Variants in CAST observed in about 807,000 individuals in gnomAD.
CAST encodes the protein calpastatin.
A neutral mutation model predicts 119.6 loss-of-function variants in CAST; 76 were observed. The observed-to-expected ratio is 0.64, with a 90% CI of 0.53 to 0.77. CAST has a LOEUF of 0.77. CAST is among the 30% of genes least tolerant of loss of function. CAST has a pLI of 0.00. For missense variants in CAST, 953 were observed against 946.5 expected (o/e 1.01, Z -0.09); for synonymous variants, 319 against 331.6 (o/e 0.96, Z 0.41).
At chr5:96,334,471 A>G in the CAST span, among the ~76,000 whole-genome samples, 4 of 152,268 alleles carry the variant, frequency 2.6e-5, no homozygotes, top group African/African-American at 9.6e-5. Flanking sequence ...TATAAGCCAC[A>G]CCATCGGAGG....
chr5:96,239,974 C>T, the CAST span, among the ~76,000 whole-genome samples: 2 of 152,068 alleles, frequency 1.3e-5, no homozygotes, highest in South Asian at 4.1e-4. Flanking sequence ...AATTTAACCT[C>T]ATTTGACCTT....
chr5:96,038,043 G>A, the CAST span, among the ~76,000 whole-genome samples: 1 of 152,134 alleles, frequency 6.6e-6, no homozygotes, highest in Non-Finnish European at 1.5e-5. Flanking sequence ...GAATTCAAGA[G>A]ACCTTGGCAG....
chr5:96,558,848 C>T (rs1272032982), intron 1 of CAST, among the ~76,000 whole-genome samples: 1 of 152,186 alleles, frequency 6.6e-6, no homozygotes, highest in African/African-American at 2.4e-5. Context: ...TCCTCCCTAA[C>T]TCATTTTATG....
chr5:96,270,688 A>G, the CAST span, among the ~76,000 whole-genome samples: 1 of 151,852 alleles, frequency 6.6e-6, no homozygotes. Flanking sequence ...GGGGAGCAAC[A>G]CACACTGGGG....
chr5:96,361,251 T>C, the CAST span, among the ~76,000 whole-genome samples: 1 of 152,142 alleles, frequency 6.6e-6, no homozygotes, highest in Admixed American at 6.5e-5. Context: ...AGCCAGTGGA[T>C]CTTAGCTTGC....
At chr5:96,110,032 G>T in the CAST span, among the ~76,000 whole-genome samples, 2 of 152,110 alleles carry the variant, frequency 1.3e-5, no homozygotes, top group African/African-American at 2.4e-5. Flanking sequence ...TGAAAATCCA[G>T]TCTGTGTCTA....
intron 1 of CAST, among the ~76,000 whole-genome samples, chr5:96,595,216 T>C (rs1221669431): frequency 1.3e-5 from 2 of 152,196 alleles, no homozygotes; most frequent in African/African-American, 2.4e-5. Context: ...TTGCCTCAGA[T>C]ACTAAACCGG....
chr5:96,394,571 G>C, the CAST span, among the ~76,000 whole-genome samples: 945 of 152,160 alleles, frequency 6.2e-3, 14 homozygotes, highest in African/African-American at 0.022. Flanking sequence ...TATGTGATTG[G>C]GCATAAAGAT....
intron 1 of CAST, among the ~76,000 whole-genome samples, chr5:96,643,204 G>C (rs1321976871): frequency 6.6e-6 from 1 of 152,164 alleles, no homozygotes; most frequent in Non-Finnish European, 1.5e-5. Context: ...ATTTCAAAAT[G>C]ATATAATATC....
At chr5:96,412,438 A>G in the CAST span, 1 of 1,613,930 alleles carries the variant, frequency 6.2e-7, no homozygotes, top group Non-Finnish European at 8.5e-7. Context: ...GATTGAATCC[A>G]ATTGAACTGG....
At chr5:96,000,933 T>C in the CAST span, among the ~76,000 whole-genome samples, 8 of 152,202 alleles carry the variant, frequency 5.3e-5, no homozygotes, top group Non-Finnish European at 7.4e-5. Flanking sequence ...CAGATTATAT[T>C]TTAAGAAAAT....
At chr5:96,224,387 C>A in the CAST span, among the ~76,000 whole-genome samples, 1 of 152,054 alleles carries the variant, frequency 6.6e-6, no homozygotes, top group Non-Finnish European at 1.5e-5. Context: ...AAAAAGGGGT[C>A]TTTTTAGATG....
chr5:95,994,834 A>G, the CAST span, among the ~76,000 whole-genome samples: 2 of 152,196 alleles, frequency 1.3e-5, no homozygotes, highest in Non-Finnish European at 2.9e-5. Context: ...TTATTATGCC[A>G]TAAATGGAAA....
At chr5:95,998,049 A>G in the CAST span, among the ~76,000 whole-genome samples, 1 of 145,824 alleles carries the variant, frequency 6.9e-6, no homozygotes, top group African/African-American at 2.6e-5. Context: ...TGTCCATGTA[A>G]TGGAATACTG....
At chr5:96,388,620 C>T in the CAST span, among the ~76,000 whole-genome samples, 4 of 152,192 alleles carry the variant, frequency 2.6e-5, no homozygotes, top group Non-Finnish European at 5.9e-5. Context: ...GTGGATAATT[C>T]AAACAATCAT....
At chr5:96,665,710 A>T (rs1017244232) in intron 1 of CAST, among the ~76,000 whole-genome samples, 1 of 152,052 alleles carries the variant, frequency 6.6e-6, no homozygotes, top group African/African-American at 2.4e-5. Context: ...CCAAAGGTCC[A>T]TGGAGCCAGT....
chr5:96,570,516 G>A (rs1746550025), intron 1 of CAST, among the ~76,000 whole-genome samples: 1 of 152,000 alleles, frequency 6.6e-6, no homozygotes, highest in Non-Finnish European at 1.5e-5. Context: ...GGGAGTGAGG[G>A]AGAAAAGCCA....
In CAST at chr5:96,741,295, C is replaced by T. The variant is rs755750058; in HGVS notation, c.948C>T (p.Asp316=). The change falls in exon 14 of 32, where the codon GAC becomes GAT. Residue 316 remains aspartate, a synonymous_variant. Transcript: ENST00000675179. ...SKPIGPDDAI[D]ALSSDFTCGS... ...CCATAGGGCCAGATGATGCTATAGA[C>T]GCCTTGTCATCTGACTTCACCTGTG... is the stretch of plus-strand genomic sequence containing the variant. 1.9e-5 allele frequency: 31 copies of T among 1,612,286 alleles called. No individual in the cohort carries two copies. Among genetic ancestry groups the T allele is most frequent in the Non-Finnish European group, 2.5e-5 (29 of 1,178,420 alleles).
At chr5:95,983,685 A>G in the CAST span, among the ~76,000 whole-genome samples, 4 of 152,306 alleles carry the variant, frequency 2.6e-5, no homozygotes, top group East Asian at 5.8e-4. Flanking sequence ...AAATTTGCAT[A>G]TGTATTCATA....
Sources: gnomAD v4.1 joint callset for allele counts (sites outside exome capture counted in the v4.1 genomes callset) on GRCh38, gnomAD v4.1.1 for gene constraint, MANE v1.5 for transcripts, NCBI Gene and HGNC (gene_info 2026-07-23, HGNC 2026-07-21) for gene names.